The following C12orf56 variants were observed in gnomAD, a reference collection of about 807,000 sequenced individuals.
The protein encoded by C12orf56 is uncharacterized protein C12orf56.
C12orf56 carries 71 observed loss-of-function variants against 69.9 expected under a neutral mutation model. That is an observed-to-expected ratio of 1.02 (90% confidence interval 0.84 to 1.24). The LOEUF is 1.24. Among genes scored for constraint, C12orf56 ranks in the 50% most tolerant of loss-of-function variants. The pLI, the probability that C12orf56 is intolerant of heterozygous loss-of-function variation, is 0.00. For synonymous variants in C12orf56, 276 were observed against 274.1 expected (o/e 1.01, Z -0.07); for missense variants, 732 against 738.5 (o/e 0.99, Z 0.10).
intron 1 of C12orf56, among the ~76,000 whole-genome samples, chr12:64,364,080 A>C (rs1043603583): frequency 2.0e-5 from 3 of 151,518 alleles, no homozygotes; most frequent in Admixed American, 6.6e-5. Context: ...TGGGAGGCCG[A>C]TGTGGGCAGA....
intron 2 of C12orf56, among the ~76,000 whole-genome samples, chr12:64,348,405 G>A (rs1273932499): frequency 6.6e-6 from 1 of 152,146 alleles, no homozygotes; most frequent in Admixed American, 6.5e-5. Flanking sequence ...GATTGTAAAA[G>A]GTTTTTGCTT....
chr12:64,270,655 C>G lies in C12orf56; in HGVS notation c.1644G>C (p.Gln548His), dbSNP rs1275904240. ...GAACTGCTTGGCAGGGACTTAGCAG[C>G]TGAAATGAAGCTGAAAGACCCCTCA... ...QVVRGLSASFQLLSPCQAVLL... is the reference protein window; with the variant it reads ...QVVRGLSASFHLLSPCQAVLL... The change falls in exon 12 of 13, where the codon CAG becomes CAC. Residue 548 changes from glutamine (Q) to histidine (H), a missense_variant. Transcript: ENST00000543942. 6.2e-7 allele frequency: 1 copy of G among 1,613,640 alleles called. No homozygotes were observed. Among genetic ancestry groups the G allele is most frequent in the South Asian group, 1.1e-5 (1 of 91,010 alleles).
At chr12:64,349,362 A>G (rs1316636099) in intron 2 of C12orf56, among the ~76,000 whole-genome samples, 1 of 152,220 alleles carries the variant, frequency 6.6e-6, no homozygotes, top group Admixed American at 6.5e-5. Context: ...CAAAAAATCA[A>G]TAGATGCTGG....
intron 1 of C12orf56, among the ~76,000 whole-genome samples, chr12:64,376,417 T>C (rs2039640712): frequency 1.3e-5 from 2 of 152,242 alleles, no homozygotes; most frequent in South Asian, 4.1e-4. Flanking sequence ...ACTATCTTAA[T>C]GAATAAAGAT....
At chr12:64,375,663 T>C (rs2039629784) in intron 1 of C12orf56, among the ~76,000 whole-genome samples, 2 of 152,042 alleles carry the variant, frequency 1.3e-5, no homozygotes, top group South Asian at 4.1e-4. Flanking sequence ...ACACAAAAAG[T>C]TTTGGAAGAA....
intron 2 of C12orf56, among the ~76,000 whole-genome samples, chr12:64,337,118 A>G (rs1264410352): frequency 1.3e-5 from 2 of 152,230 alleles, no homozygotes; most frequent in African/African-American, 4.8e-5. Flanking sequence ...TTACAGGGAC[A>G]GATACCTTAA....
chr12:64,352,104 T>TG (rs575927016), intron 2 of C12orf56, among the ~76,000 whole-genome samples: 60,020 of 116,296 alleles, frequency 0.52, 12,761 homozygotes, highest in East Asian at 0.59. Context: ...TTTTTGTTTT[T>TG]TTTTTTTTTT....
At chr12:64,313,026 C>T (rs570655933) in intron 4 of C12orf56, among the ~76,000 whole-genome samples, 3 of 151,722 alleles carry the variant, frequency 2.0e-5, no homozygotes, top group African/African-American at 7.2e-5. Context: ...TTTGGGAGGC[C>T]GAGGCAGGCA....
chr12:64,314,816 T>C (rs941477222), intron 4 of C12orf56, among the ~76,000 whole-genome samples: 1 of 151,406 alleles, frequency 6.6e-6, no homozygotes, highest in Non-Finnish European at 1.5e-5. Flanking sequence ...TTCTATTTTT[T>C]AGTAGAGACG....
At chr12:64,351,870 G>GGAA (rs1555192644) in intron 2 of C12orf56, among the ~76,000 whole-genome samples, 1 of 147,216 alleles carries the variant, frequency 6.8e-6, no homozygotes, top group Non-Finnish European at 1.5e-5. Context: ...GACTCCTTTG[G>GGAA]AAAAAAAAAA....
rs542076367 is a variant in C12orf56, at chr12:64,387,767, G to A, written c.252+2547C>T. On this transcript the variant is annotated intron_variant, in intron 1 of 12. Coordinates refer to ENST00000543942, the MANE Select transcript of C12orf56 (RefSeq NM_001170633.2). ...GCAGAGGTTGCAGTGAACTGAGATCGGGCCACTGCACTCCAGCCTGGGCAA... is the reference window on the plus strand; with the variant it reads ...GCAGAGGTTGCAGTGAACTGAGATCAGGCCACTGCACTCCAGCCTGGGCAA... Among the ~76,000 whole-genome samples the A allele has an allele frequency of 7.9e-4, 120 of 151,870 alleles. 1 individual carries two copies. Among genetic ancestry groups the A allele is most frequent in the African/African-American group, 2.0e-3 (84 of 41,446 alleles).
At chr12:64,283,472 C>T (rs2038158015) in intron 8 of C12orf56, among the ~76,000 whole-genome samples, 1 of 152,178 alleles carries the variant, frequency 6.6e-6, no homozygotes, top group Admixed American at 6.6e-5. Context: ...AACAGATGTC[C>T]CCATTACCAT....
chr12:64,305,980 C>A (rs7955726), intron 5 of C12orf56, among the ~76,000 whole-genome samples: 41,302 of 152,106 alleles, frequency 0.27, 5,984 homozygotes, highest in East Asian at 0.5. Flanking sequence ...TTGGAGTCAG[C>A]AATTTGCTAA....
chr12:64,326,929 GGGTA>G (rs906250680), intron 3 of C12orf56, among the ~76,000 whole-genome samples: 29 of 152,206 alleles, frequency 1.9e-4, no homozygotes, highest in African/African-American at 7.0e-4. Context: ...AGAGGTGACT[GGGTA>G]GTGAGGGCTC....
intron 11 of C12orf56, among the ~76,000 whole-genome samples, chr12:64,271,405 A>G (rs2037989296): frequency 6.6e-6 from 1 of 152,168 alleles, no homozygotes; most frequent in South Asian, 2.1e-4. Flanking sequence ...CAGAGGTTGC[A>G]GTGAGCCAAG....
At chr12:64,352,691 T>A (rs1273256076) in intron 2 of C12orf56, among the ~76,000 whole-genome samples, 1 of 152,118 alleles carries the variant, frequency 6.6e-6, no homozygotes, top group Non-Finnish European at 1.5e-5. Flanking sequence ...CCAGACCCCT[T>A]TTTTTCACTG....
chr12:64,369,506 T>C (rs2039541640), intron 1 of C12orf56, among the ~76,000 whole-genome samples: 1 of 152,168 alleles, frequency 6.6e-6, no homozygotes, highest in Admixed American at 6.5e-5. Flanking sequence ...CCTTAAAATG[T>C]ATTTTTTGTT....
chr12:64,271,385 A>C (rs532279464), intron 11 of C12orf56, among the ~76,000 whole-genome samples: 1 of 152,210 alleles, frequency 6.6e-6, no homozygotes, highest in East Asian at 1.9e-4. Flanking sequence ...GAACTGCTTG[A>C]ATGCAGAGGC....
intron 4 of C12orf56, among the ~76,000 whole-genome samples, chr12:64,315,848 T>C (rs537513590): frequency 6.6e-6 from 1 of 151,584 alleles, no homozygotes; most frequent in Non-Finnish European, 1.5e-5. Flanking sequence ...GGAGAATCAA[T>C]TGAACCCGGG....
Sources: gnomAD v4.1 joint callset for allele counts (sites outside exome capture counted in the v4.1 genomes callset) on GRCh38, gnomAD v4.1.1 for gene constraint, MANE v1.5 for transcripts, NCBI Gene and HGNC (gene_info 2026-07-23, HGNC 2026-07-21) for gene names.